Variants in ZSCAN4 observed in about 807,000 individuals in gnomAD.
ZSCAN4 encodes zinc finger and SCAN domain containing 4, also known as zinc finger and SCAN domain-containing protein 4.
Under a neutral mutation model 18.3 loss-of-function variants are expected in ZSCAN4, and 18 were observed. That is an observed-to-expected ratio of 0.98 (90% CI 0.68 to 1.46). The LOEUF is 1.46. ZSCAN4 is among the 40% of genes most tolerant of loss of function. The pLI is 0.00. For missense variants in ZSCAN4, 498 were observed against 511.4 expected (o/e 0.97, Z 0.25); for synonymous variants, 193 against 180.3 (o/e 1.07, Z -0.57).
At chr19:57,676,597 TCA>T in intron 3 of ZSCAN4, 56 bp downstream of exon 3, 9 of 1,534,528 alleles carry the variant, frequency 5.9e-6, no homozygotes, top group South Asian at 1.3e-5. Flanking sequence ...AAGGAATAAA[TCA>T]CAGTCAGTTA....
In ZSCAN4 at chr19:57,678,660, T is replaced by C. The variant is rs774417076; in HGVS notation, c.1057T>C (p.Ser353Pro). The change falls in exon 5 of 5, where the codon TCA (serine) becomes CCA (proline). Residue 353 changes from serine (S) to proline (P), a missense_variant. Coordinates refer to ENST00000318203, the Ensembl canonical transcript of ZSCAN4. ...GTGTCAAAAAGGCTTCTTCCAGATATCAGACCTACGGGTGCATCAGATAAT... is the reference window on the plus strand; with the variant it reads ...GTGTCAAAAAGGCTTCTTCCAGATACCAGACCTACGGGTGCATCAGATAAT... The C allele has an allele frequency of 1.9e-6, 3 of 1,614,102 alleles. No individual in the cohort carries two copies. In the Admixed American group the frequency reaches 5.0e-5, roughly 27 times the overall value.
At chr19:57,678,902 C>G (rs1160976777) in exon 5 of ZSCAN4, 1 of 1,586,970 alleles carries the variant, frequency 6.3e-7, no homozygotes, top group Non-Finnish European at 8.6e-7. Context: ...CAGAAGCTTC[C>G]TAAGCTGCTG....
chr19:57,675,901 A>G (rs1984165530), intron 2 of ZSCAN4, 140 bp from the exon 3 acceptor site: 1 of 375,560 alleles, frequency 2.7e-6, no homozygotes, highest in Admixed American at 4.2e-5. Context: ...TTCCTCTTAT[A>G]TGCTCTGGGA....
the ZSCAN4 span, among the ~76,000 whole-genome samples, chr19:57,653,385 T>G: frequency 9.5e-6 from 1 of 105,800 alleles, no homozygotes; most frequent in African/African-American, 7.9e-5. Flanking sequence ...AGACTCCATC[T>G]CAAAGAAAAA....
rs374045728 is a variant in ZSCAN4 at position 57,678,202 on chromosome 19, C to T, written c.599C>T (p.Ser200Leu). 37 of 1,613,890 alleles carry T rather than the reference C, an allele frequency of 2.3e-5. No individual in the cohort carries two copies. The highest frequency in any genetic ancestry group is 5.3e-5 in the African/African-American group (4 of 74,904). ...GAACAAGATGGCTGGAACAGTTCTT[C>T]GAAAACTACTCGAGTAAATGAAAAT... Residue 200 changes from serine (S) to leucine (L), a missense_variant, in exon 5 of 5, where the codon TCG becomes TTG. Physicochemically the swap from Ser to Leu is moderately radical, Grantham distance 145. Transcript: ENST00000318203.
At chr19:57,670,825 T>C (rs1472007961) in intron 2 of ZSCAN4, among the ~76,000 whole-genome samples, 1 of 152,070 alleles carries the variant, frequency 6.6e-6, no homozygotes, top group African/African-American at 2.4e-5. Flanking sequence ...ACTGAAGATT[T>C]TTCTTCAAAA....
rs775841112 is a variant in ZSCAN4, at chr19:57,676,545, A to C, written c.396+4A>C. 3 of 1,601,726 alleles carry C rather than the reference A, an allele frequency of 1.9e-6. No homozygotes were observed. The highest frequency in any genetic ancestry group is 2.2e-5 in the South Asian group (2 of 89,724). On this transcript the variant is annotated splice_donor_region_variant and intron_variant, in intron 3 of 4. Coordinates refer to ENST00000318203, the Ensembl canonical transcript of ZSCAN4. ...CAGCATAAATCCACCTGCCTTAGTG[A>C]GTACAGGGTTCTAACTTCTGGGATG... is the stretch of plus-strand genomic sequence containing the variant.
chr19:57,670,063 C>T (rs1021219752), intron 1 of ZSCAN4, among the ~76,000 whole-genome samples, 182 bp from the exon 2 acceptor site: 21 of 151,224 alleles, frequency 1.4e-4, no homozygotes, highest in Admixed American at 2.6e-4. Flanking sequence ...CCACCATGCC[C>T]GGCTAATTTT....
intron 3 of ZSCAN4, 63 bp downstream of exon 3, chr19:57,676,604 C>T (rs891544892): frequency 2.6e-6 from 4 of 1,517,884 alleles, no homozygotes; most frequent in Admixed American, 4.3e-5. Context: ...AAATCACAGT[C>T]AGTTAGAGTT....
intron 2 of ZSCAN4, among the ~76,000 whole-genome samples, chr19:57,673,479 T>A (rs10410044): frequency 0.36 from 55,254 of 151,566 alleles, 10,300 homozygotes; most frequent in Middle Eastern, 0.4. Context: ...AGAAAATTTT[T>A]AAAAAATTAG....
intron 3 of ZSCAN4, among the ~76,000 whole-genome samples, chr19:57,677,302 T>C (rs1984216143): frequency 1.3e-5 from 2 of 152,222 alleles, no homozygotes; most frequent in Admixed American, 1.3e-4. Flanking sequence ...TGGTAAAATA[T>C]TTGATTTACC....
upstream of ZSCAN4, among the ~76,000 whole-genome samples, chr19:57,666,752 G>A (rs980065548): frequency 8.5e-5 from 13 of 152,174 alleles, no homozygotes; most frequent in East Asian, 1.2e-3. Context: ...GTGTGGTGGC[G>A]CATGCCTTTA....
the ZSCAN4 span, among the ~76,000 whole-genome samples, chr19:57,653,113 A>G: frequency 1.4e-4 from 21 of 152,346 alleles, no homozygotes; most frequent in East Asian, 4.1e-3. Context: ...CCTGGCAGGC[A>G]TGAATAAAGC....
At chr19:57,654,400 C>G in the ZSCAN4 span, among the ~76,000 whole-genome samples, 1 of 152,118 alleles carries the variant, frequency 6.6e-6, no homozygotes, top group Admixed American at 6.6e-5. Context: ...TGCGATGTTT[C>G]CAAGCCAACA....
upstream of ZSCAN4, among the ~76,000 whole-genome samples, chr19:57,665,613 C>A (rs1212054368): frequency 1.3e-5 from 2 of 152,064 alleles, no homozygotes; most frequent in African/African-American, 4.8e-5. Context: ...GACCTAAAGT[C>A]ACCCTTTTTC....
chr19:57,660,472 A>C, the ZSCAN4 span, among the ~76,000 whole-genome samples: 1 of 152,224 alleles, frequency 6.6e-6, no homozygotes, highest in African/African-American at 2.4e-5. Context: ...ATGTCTCCAC[A>C]TTCTGTCATC....
chr19:57,660,673 A>C, the ZSCAN4 span, among the ~76,000 whole-genome samples: 1 of 152,170 alleles, frequency 6.6e-6, no homozygotes, highest in Admixed American at 6.5e-5. Flanking sequence ...TATTTCTAAA[A>C]GTGTCTTGAC....
At chr19:57,653,404 A>G in the ZSCAN4 span, among the ~76,000 whole-genome samples, 1 of 151,712 alleles carries the variant, frequency 6.6e-6, no homozygotes, top group Non-Finnish European at 1.5e-5. Flanking sequence ...AAAAAAAAAA[A>G]AAAGGAAAGA....
chr19:57,678,364 A>G (rs900885295), exon 5 of ZSCAN4: 30 of 1,613,948 alleles, frequency 1.9e-5, no homozygotes, highest in Non-Finnish European at 2.5e-5. Flanking sequence ...GCTAGATCTC[A>G]GGAAGGGTCC....
Sources: gnomAD v4.1 joint callset for allele counts (sites outside exome capture counted in the v4.1 genomes callset) on GRCh38, gnomAD v4.1.1 for gene constraint, MANE v1.5 for transcripts, NCBI Gene and HGNC (gene_info 2026-07-23, HGNC 2026-07-21) for gene names.